The following PDE4D variants were observed in gnomAD, a reference collection of about 807,000 sequenced individuals.
PDE4D encodes 3',5'-cyclic-AMP phosphodiesterase 4D.
Under a neutral mutation model 87.4 loss-of-function variants are expected in PDE4D, and 24 were observed. The observed-to-expected ratio is 0.27, with a 90% CI of 0.20 to 0.39. The LOEUF (loss-of-function observed/expected upper bound fraction) is 0.39. Among genes scored for constraint, PDE4D ranks in the 10% least tolerant of loss-of-function variants. The probability of loss-of-function intolerance (pLI) is 1.00; values close to 1 mark genes in which losing one functional copy is unlikely to be tolerated. For synonymous variants in PDE4D, 384 were observed against 383.2 expected (o/e 1.00, Z -0.02); for missense variants, 714 against 1,041.0 (o/e 0.69, Z 4.32).
intron 1 of PDE4D, among the ~76,000 whole-genome samples, chr5:60,224,978 T>C (rs1268260353): frequency 1.3e-5 from 2 of 151,990 alleles, no homozygotes; most frequent in Non-Finnish European, 2.9e-5. Flanking sequence ...CCTATTCAAC[T>C]GGTGTCATAC....
intron 3 of PDE4D, among the ~76,000 whole-genome samples, chr5:59,971,236 T>C (rs1207463248): frequency 6.8e-6 from 1 of 146,088 alleles, no homozygotes; most frequent in Admixed American, 6.8e-5. Context: ...AGGGATAGCT[T>C]TGGGAGATAT....
At chr5:59,827,964 T>C (rs1186477889) in intron 1 of PDE4D, among the ~76,000 whole-genome samples, 2 of 152,150 alleles carry the variant, frequency 1.3e-5, no homozygotes, top group Non-Finnish European at 2.9e-5. Context: ...GTTAACTTAT[T>C]ATTTTCACAT....
rs10064969 is a variant in PDE4D, at chr5:60,108,433, C to A, written c.42+77124G>T. 4.7e-3 allele frequency among the ~76,000 whole-genome samples: 713 copies of A among 152,250 alleles called. 3 individuals carry two copies. The highest frequency in any genetic ancestry group is 0.016 in the African/African-American group (673 of 41,536). ...CAATATCGTGAAAATGGCCATACTG[C>A]CCAAGGTAATTTAAAGATTCAATGC... On this transcript the variant is annotated intron_variant, in intron 2 of 16. Transcript: ENST00000502484.
At position 59,508,247 on chromosome 5, in the gene PDE4D, A is replaced by G. The variant is rs529954376; in HGVS notation, c.456-292279T>C. Among the ~76,000 whole-genome samples the G allele has an allele frequency of 3.3e-5, 5 of 152,294 alleles. No individual in the cohort carries two copies. In the East Asian group the frequency reaches 9.6e-4, roughly 29 times the overall value. On this transcript the variant is annotated intron_variant, in intron 1 of 14. Coordinates refer to ENST00000340635, the MANE Select transcript of PDE4D (RefSeq NM_001104631.2). The stretch of plus-strand genomic sequence containing the variant: ...GTCTTATACCCAAAAGTCAATACCT[A>G]TAACTAGGCATGCTACAATCTTTCA...
chr5:60,456,737 G>A (rs1232685832), intron 1 of PDE4D, among the ~76,000 whole-genome samples: 1 of 152,142 alleles, frequency 6.6e-6, no homozygotes. Context: ...ATGCAAGGCT[G>A]ACCCAAGGCC....
chr5:59,623,493 G>A (rs977959474), intron 1 of PDE4D, among the ~76,000 whole-genome samples: 1 of 152,156 alleles, frequency 6.6e-6, no homozygotes, highest in African/African-American at 2.4e-5. Flanking sequence ...AGTGCTTGGA[G>A]CTCTGTTGTT....
chr5:59,128,495 T>C (rs1349705781), intron 5 of PDE4D, among the ~76,000 whole-genome samples: 2 of 152,140 alleles, frequency 1.3e-5, no homozygotes, highest in Non-Finnish European at 2.9e-5. Context: ...GGGGCAATTA[T>C]TATGGGGATG....
At chr5:58,976,758 TA>T (rs1743907216) in intron 12 of PDE4D, among the ~76,000 whole-genome samples, 1 of 152,178 alleles carries the variant, frequency 6.6e-6, no homozygotes, top group African/African-American at 2.4e-5. Context: ...CACAAGTTTA[TA>T]AGTTTTTGAA....
At chr5:59,289,734 A>T (rs939626952) in intron 1 of PDE4D, among the ~76,000 whole-genome samples, 5 of 152,032 alleles carry the variant, frequency 3.3e-5, no homozygotes, top group Non-Finnish European at 7.4e-5. Flanking sequence ...GGAAGAAGGC[A>T]AATTATCCCA....
At chr5:60,353,337 C>T (rs191770742) in intron 1 of PDE4D, among the ~76,000 whole-genome samples, 331 of 152,352 alleles carry the variant, frequency 2.2e-3, no homozygotes, top group Non-Finnish European at 2.2e-3. Flanking sequence ...ATCATACACT[C>T]CTCACTGTGT....
intron 1 of PDE4D, among the ~76,000 whole-genome samples, chr5:59,514,839 G>A (rs187786118): frequency 2.2e-4 from 34 of 152,266 alleles, no homozygotes; most frequent in African/African-American, 7.7e-4. Flanking sequence ...CTTAGAATAA[G>A]AGGGTATACA....
At chr5:60,220,894 A>G (rs1201908694) in intron 1 of PDE4D, among the ~76,000 whole-genome samples, 1 of 152,136 alleles carries the variant, frequency 6.6e-6, no homozygotes, top group East Asian at 1.9e-4. Flanking sequence ...ACCCTGTAGA[A>G]AGCAATATGA....
At chr5:59,387,099 T>A (rs1787224972) in intron 1 of PDE4D, among the ~76,000 whole-genome samples, 1 of 152,224 alleles carries the variant, frequency 6.6e-6, no homozygotes. Flanking sequence ...TTTTTAAATC[T>A]ATCTTTTTTA....
chr5:59,613,419 CCAGAT>C lies in PDE4D; in HGVS notation c.455+279744_455+279748del, dbSNP rs1394741988. 4.6e-5 allele frequency among the ~76,000 whole-genome samples: 7 copies of C among 152,208 alleles called. No individual in the cohort carries two copies. In the East Asian group the frequency reaches 1.4e-3, roughly 29 times the overall value. ...TGAAAGTCTGTATCAGGTGAGAGATCCAGATCGGTAGAGACTTGACAAACAATGGC... is the reference window on the plus strand; with the variant it reads ...TGAAAGTCTGTATCAGGTGAGAGATCCGGTAGAGACTTGACAAACAATGGC... On this transcript the variant is annotated intron_variant, in intron 1 of 14. Coordinates refer to ENST00000340635, the MANE Select transcript of PDE4D (RefSeq NM_001104631.2).
At chr5:59,501,802 G>A (rs1039529903) in intron 1 of PDE4D, among the ~76,000 whole-genome samples, 1 of 152,184 alleles carries the variant, frequency 6.6e-6, no homozygotes, top group African/African-American at 2.4e-5. Context: ...GGGAAGCGAT[G>A]TGCATTCATA....
intron 1 of PDE4D, among the ~76,000 whole-genome samples, chr5:59,742,935 A>G (rs1759074975): frequency 6.6e-6 from 1 of 152,208 alleles, no homozygotes; most frequent in Non-Finnish European, 1.5e-5. Context: ...GTCAAGGTAG[A>G]TTAATAGCTG....
chr5:59,452,996 T>C (rs1192964164), intron 1 of PDE4D, among the ~76,000 whole-genome samples: 1 of 151,940 alleles, frequency 6.6e-6, no homozygotes, highest in African/African-American at 2.4e-5. Flanking sequence ...GGCAACCTTG[T>C]GTAGAGCAAG....
At chr5:59,341,883 T>G (rs1262551092) in intron 1 of PDE4D, among the ~76,000 whole-genome samples, 1 of 152,212 alleles carries the variant, frequency 6.6e-6, no homozygotes, top group Non-Finnish European at 1.5e-5. Context: ...CGCTAGCTGA[T>G]GTGAGCTGAC....
intron 1 of PDE4D, among the ~76,000 whole-genome samples, chr5:59,692,752 G>T (rs113985240): frequency 6.6e-6 from 1 of 152,080 alleles, no homozygotes; most frequent in Non-Finnish European, 1.5e-5. Flanking sequence ...GCATTTAAAG[G>T]TTCTGGCATC....
Sources: gnomAD v4.1 joint callset for allele counts (sites outside exome capture counted in the v4.1 genomes callset) on GRCh38, gnomAD v4.1.1 for gene constraint, MANE v1.5 for transcripts, NCBI Gene and HGNC (gene_info 2026-07-23, HGNC 2026-07-21) for gene names.